The following TIAM2 variants were observed in gnomAD, a reference collection of about 807,000 sequenced individuals.
TIAM2 encodes the protein rho guanine nucleotide exchange factor TIAM2.
In TIAM2, 80 loss-of-function variants were observed where a neutral mutation model predicts 152.9. The ratio of observed to expected loss-of-function variants is 0.52; its 90% confidence interval spans 0.44 to 0.63. TIAM2 has a LOEUF of 0.63. Among genes scored for constraint, TIAM2 ranks in the 30% least tolerant of loss-of-function variants. The pLI is 0.00. For missense variants in TIAM2, 1,965 were observed against 2,120.1 expected (o/e 0.93, Z 1.44); for synonymous variants, 804 against 838.0 (o/e 0.96, Z 0.70).
At chr6:155,228,082 G>A (rs1380397695) in intron 15 of TIAM2, among the ~76,000 whole-genome samples, 3 of 152,218 alleles carry the variant, frequency 2.0e-5, no homozygotes, top group African/African-American at 7.2e-5. Flanking sequence ...GCCAGAGAAA[G>A]GGAGGAAGGG....
At chr6:155,164,263 A>C in intron 7 of TIAM2, 152 bp from the exon 8 acceptor site, 2 of 596,380 alleles carry the variant, frequency 3.4e-6, no homozygotes, top group Non-Finnish European at 5.3e-6. Context: ...GATGGGAGGG[A>C]TTGAGATGGG....
At chr6:155,048,852 G>T (rs1376212052) in intron 1 of TIAM2, among the ~76,000 whole-genome samples, 5 of 151,536 alleles carry the variant, frequency 3.3e-5, no homozygotes, top group Non-Finnish European at 7.4e-5. Context: ...CCTGGCTGGA[G>T]TGCAGTGGTG....
At chr6:155,137,824 A>G (rs1252656162) in intron 5 of TIAM2, among the ~76,000 whole-genome samples, 3 of 152,144 alleles carry the variant, frequency 2.0e-5, no homozygotes, top group East Asian at 3.9e-4. Flanking sequence ...ATAAATAATT[A>G]GTGGATTTTT....
rs1554230582 is a variant in TIAM2 at position 155,104,050 on chromosome 6, CCACA to C, written c.-118+13673_-118+13676del. 1.4e-3 allele frequency among the ~76,000 whole-genome samples: 120 copies of C among 87,498 alleles called. 4 individuals carry two copies. Among genetic ancestry groups the C allele is most frequent in the Non-Finnish European group, 1.7e-3 (72 of 42,690 alleles). 57.4% of individuals were successfully genotyped at this position (87,498 alleles called of 152,430 possible). A position where few individuals can be genotyped will look rare whatever the true frequency, so the allele number is the denominator to read the frequency against. ...ACCTCACACACACACACCCCCCCCC[CCACA>C]CCCCCACACACCCCCACACACCAAA... On this transcript the variant is annotated intron_variant, in intron 2 of 26. Coordinates refer to ENST00000682666, the MANE Select transcript of TIAM2 (RefSeq NM_012454.4).
chr6:155,053,490 TAGAC>T (rs1777367998), intron 1 of TIAM2, among the ~76,000 whole-genome samples: 2 of 107,890 alleles, frequency 1.9e-5, no homozygotes, highest in South Asian at 5.6e-4. Flanking sequence ...TTTTTAAATT[TAGAC>T]AGAGTCTTGC....
intron 1 of TIAM2, among the ~76,000 whole-genome samples, chr6:155,046,458 C>A (rs960200582): frequency 6.6e-6 from 1 of 151,436 alleles, no homozygotes; most frequent in Non-Finnish European, 1.5e-5. Context: ...GTCTCAGCCT[C>A]CCGAGTAGCT....
At chr6:155,204,342 A>T (rs894231233) in intron 14 of TIAM2, among the ~76,000 whole-genome samples, 1 of 152,156 alleles carries the variant, frequency 6.6e-6, no homozygotes, top group Non-Finnish European at 1.5e-5. Context: ...TACCACCAAG[A>T]CACACTGGCA....
At chr6:155,011,044 C>CA (rs200880796) in intron 1 of TIAM2, among the ~76,000 whole-genome samples, 77,772 of 140,548 alleles carry the variant, frequency 0.55, 23,599 homozygotes, top group East Asian at 0.75. Context: ...AACTCTGTCT[C>CA]AAAAAAAAAA....
intron 1 of TIAM2, among the ~76,000 whole-genome samples, chr6:155,060,352 A>C (rs560476757): frequency 1.3e-5 from 2 of 152,298 alleles, no homozygotes; most frequent in South Asian, 4.1e-4. Flanking sequence ...CGGTGAGCCG[A>C]GATCACGCCA....
intron 15 of TIAM2, among the ~76,000 whole-genome samples, chr6:155,233,119 G>A (rs984902137): frequency 1.3e-4 from 20 of 152,276 alleles, no homozygotes; most frequent in African/African-American, 4.1e-4. Context: ...CTCCTGCCAC[G>A]TATTTCATGC....
Position 155,212,483 on chromosome 6 carries a change from C to A in TIAM2, c.3168+1176C>A, listed in dbSNP as rs193210206. 1.5e-3 allele frequency among the ~76,000 whole-genome samples: 225 copies of A among 152,270 alleles called. 1 individual carries two copies. Among genetic ancestry groups the A allele is most frequent in the Admixed American group, 6.0e-3 (92 of 15,300 alleles). Reference sequence around the variant, plus strand: ...AATCGATTTTGAAATTATAAGTCTTCTGTATTTGTTTTTGTCTTAAATACA... The same window carrying A: ...AATCGATTTTGAAATTATAAGTCTTATGTATTTGTTTTTGTCTTAAATACA... On this transcript the variant is annotated intron_variant, in intron 15 of 26. Transcript: ENST00000682666.
chr6:155,179,359 T>C lies in TIAM2; in HGVS notation c.2629-19T>C, dbSNP rs1780837608. The C allele has an allele frequency of 6.2e-7, 1 of 1,612,410 alleles. No homozygotes were observed. ...CATAACATGAGATCCTCTGATTTTG[T>C]TGTTTTCACCTTTTGCAGGTTTATG... On this transcript the variant is annotated intron_variant, in intron 11 of 26. Coordinates refer to ENST00000682666, the MANE Select transcript of TIAM2 (RefSeq NM_012454.4).
Position 155,248,067 on chromosome 6 carries a change from G to A in TIAM2, c.3720G>A (p.Thr1240=), listed in dbSNP as rs1281000314. 35 of 1,614,076 alleles carry A rather than the reference G, an allele frequency of 2.2e-5. No homozygotes were observed. The highest frequency in any genetic ancestry group is 2.7e-5 in the Non-Finnish European group (32 of 1,180,046). The change falls in exon 20 of 27, where the codon ACG becomes ACA. Residue 1240 remains threonine (T), a synonymous_variant. Transcript: ENST00000682666. The part of the protein sequence containing the change: ...ARNPTKQHSS[T]LESYLIKPVQ... ...ACCCCACCAAGCAGCATTCCTCCAC[G>A]CTGGAGTCCTACCTCATCAAGCCGG...
intron 6 of TIAM2, among the ~76,000 whole-genome samples, chr6:155,147,643 G>A (rs569043785): frequency 2.6e-5 from 4 of 152,092 alleles, no homozygotes; most frequent in African/African-American, 9.6e-5. Flanking sequence ...GCGCCACCAC[G>A]CCCGGCTAAT....
At position 155,233,078 on chromosome 6, in the gene TIAM2, G is replaced by A. The variant is rs549742865; in HGVS notation, c.3169-7452G>A. 4.6e-5 allele frequency among the ~76,000 whole-genome samples: 7 copies of A among 152,268 alleles called. No individual in the cohort carries two copies. In the East Asian group the frequency reaches 5.8e-4, roughly 13 times the overall value. ...AGCTGCACCCTGAGCCAGGAAAGGC[G>A]GGCACGTAGCTCAGCTTCTGATGCA... is the stretch of plus-strand genomic sequence containing the variant. On this transcript the variant is annotated intron_variant, in intron 15 of 26. Transcript: ENST00000682666.
At chr6:155,115,067 A>G (rs1012858406) in intron 2 of TIAM2, among the ~76,000 whole-genome samples, 5 of 151,490 alleles carry the variant, frequency 3.3e-5, no homozygotes, top group African/African-American at 1.2e-4. Flanking sequence ...ACCTCAGGTG[A>G]TCCACCTGCC....
intron 2 of TIAM2, among the ~76,000 whole-genome samples, chr6:155,113,439 G>A (rs1469835386): frequency 4.6e-5 from 7 of 151,938 alleles, no homozygotes; most frequent in East Asian, 1.9e-4. Flanking sequence ...TTTATTTTTC[G>A]GCCAGGCGTG....
At chr6:155,215,491 TTTTAAG>T (rs1781832867) in intron 15 of TIAM2, among the ~76,000 whole-genome samples, 1 of 152,200 alleles carries the variant, frequency 6.6e-6, no homozygotes, top group Non-Finnish European at 1.5e-5. Flanking sequence ...CACCTTACCT[TTTTAAG>T]ATATGAAGAT....
At chr6:155,010,864 G>A (rs1172167336) in intron 1 of TIAM2, among the ~76,000 whole-genome samples, 2 of 152,102 alleles carry the variant, frequency 1.3e-5, no homozygotes, top group Non-Finnish European at 2.9e-5. Flanking sequence ...GGGCCTGATG[G>A]TGAAACCTGT....
Sources: allele counts gnomAD v4.1 joint callset (sites outside exome capture counted in the v4.1 genomes callset), GRCh38; gene constraint gnomAD v4.1.1; transcripts MANE v1.5; gene names NCBI Gene and HGNC (gene_info 2026-07-23, HGNC 2026-07-21).